The following GGNBP2 variants were observed in gnomAD, a reference collection of about 807,000 sequenced individuals.
GGNBP2 encodes the protein gametogenetin binding protein 2.
GGNBP2 carries 10 observed loss-of-function variants against 85.9 expected under a neutral mutation model. The ratio of observed to expected loss-of-function variants is 0.12; its 90% CI spans 0.07 to 0.20. GGNBP2 has a LOEUF of 0.20. GGNBP2 is among the 10% of genes least tolerant of loss of function. The pLI is 1.00. For missense variants in GGNBP2, 595 were observed against 857.8 expected, an observed-to-expected ratio of 0.69 and a Z score of 3.83; for synonymous variants, 287 against 285.7, an observed-to-expected ratio of 1.00 and a Z score of -0.05.
chr17:36,546,302 G>C (rs2074254736), intron 2 of GGNBP2: 1 of 231,264 alleles, frequency 4.3e-6, no homozygotes, highest in Non-Finnish European at 8.3e-6. Flanking sequence ...CTCGTGCACA[G>C]TCAAGATTCC....
At chr17:36,589,011 A>C (rs2074731829) in intron 13 of GGNBP2, among the ~76,000 whole-genome samples, 197 bp from the exon 14 acceptor site, 1 of 152,148 alleles carries the variant, frequency 6.6e-6, no homozygotes, top group African/African-American at 2.4e-5. Flanking sequence ...GTTTCAACTC[A>C]AGGAGTTGGA....
At chr17:36,566,131 T>G (rs2074466146) in intron 5 of GGNBP2, among the ~76,000 whole-genome samples, 1 of 152,150 alleles carries the variant, frequency 6.6e-6, no homozygotes, top group Admixed American at 6.5e-5. Flanking sequence ...GCGTCCAAGG[T>G]GTAATGAATT....
intron 6 of GGNBP2, chr17:36,577,063 A>T (rs544594004): frequency 3.2e-4 from 48 of 152,324 alleles, no homozygotes; most frequent in African/African-American, 1.1e-3. Context: ...ATACGCATAG[A>T]TGAGCTCATC....
chr17:36,545,849 C>G (rs1476797662), intron 2 of GGNBP2, 32 bp downstream of exon 2: 11 of 1,465,492 alleles, frequency 7.5e-6, no homozygotes, highest in Non-Finnish European at 9.3e-6. Context: ...GGGCCCGCCG[C>G]TCCCCTGGCA....
At chr17:36,578,312 A>G (rs2074611921) in intron 7 of GGNBP2, 126 bp downstream of exon 7, 1 of 706,178 alleles carries the variant, frequency 1.4e-6, no homozygotes, top group Non-Finnish European at 2.3e-6. Context: ...GTATGCCTGT[A>G]AAGATTTTGC....
At position 36,589,233 on chromosome 17, in the gene GGNBP2, A is replaced by C; in HGVS notation, c.1916A>C (p.Glu639Ala). ...LLDESECTSD[E>A]EIFISQDEIQ... ...GATGAGTCTGAATGTACTTCAGATGAGGAAATCTTTATCTCACAAGATGAA... is the reference window on the plus strand; with the variant it reads ...GATGAGTCTGAATGTACTTCAGATGCGGAAATCTTTATCTCACAAGATGAA... The change falls in exon 14 of 14, where the codon GAG (glutamate) becomes GCG (alanine). Residue 639 changes from glutamate to alanine, a missense_variant. Glu to Ala is a moderately radical substitution (Grantham distance 107). Transcript: ENST00000613102. The C allele has an allele frequency of 6.2e-7, 1 of 1,612,728 alleles. No individual in the cohort carries two copies. The highest frequency in any genetic ancestry group is 8.5e-7 in the Non-Finnish European group (1 of 1,178,968).
intron 2 of GGNBP2, among the ~76,000 whole-genome samples, chr17:36,549,101 T>C (rs996387502): frequency 1.3e-5 from 2 of 152,228 alleles, no homozygotes; most frequent in Non-Finnish European, 2.9e-5. Context: ...TGGTGAAATA[T>C]TTAAGAAAGT....
Position 36,589,282 on chromosome 17 carries a change from C to G in GGNBP2, c.1965C>G (p.Asn655Lys). 1 of 1,612,426 alleles carries G rather than the reference C, an allele frequency of 6.2e-7. No individual in the cohort carries two copies. The highest frequency in any genetic ancestry group is 8.5e-7 in the Non-Finnish European group (1 of 1,178,506). ...AAATACAGTCATTTATGGCTAATAA[C>G]CAGTCTTTCTACAGCAATAGAGAAC... ...QDEIQSFMAN[N>K]QSFYSNREQY... is the part of the protein sequence containing the mutation. The change falls in exon 14 of 14, where the codon AAC becomes AAG. Residue 655 changes from asparagine (N) to lysine (K), a missense_variant. Transcript: ENST00000613102.
chr17:36,578,130 T>C lies in GGNBP2; in HGVS notation c.789T>C (p.Cys263=). 1.2e-6 allele frequency: 2 copies of C among 1,614,046 alleles called. No homozygotes were observed. The highest frequency in any genetic ancestry group is 1.7e-6 in the Non-Finnish European group (2 of 1,179,884). Residue 263 remains cysteine (C), a synonymous_variant, in exon 7 of 14, where the codon TGT becomes TGC. Coordinates refer to ENST00000613102, the MANE Select transcript of GGNBP2 (RefSeq NM_024835.5). ...CPHERHIHVC[C]ETDFIAHLLG... is the part of the protein sequence containing the mutation. The stretch of plus-strand genomic sequence containing the variant: ...ATGAACGACACATACATGTTTGCTG[T>C]GAAACAGACTTCATTGCACATCTTT...
At chr17:36,558,548 C>T (rs1428985300) in intron 4 of GGNBP2, among the ~76,000 whole-genome samples, 3 of 151,460 alleles carry the variant, frequency 2.0e-5, no homozygotes, top group Non-Finnish European at 2.9e-5. Flanking sequence ...CACTGCCTCC[C>T]GGGTTCAAGC....
At position 36,585,286 on chromosome 17, in the gene GGNBP2, G is replaced by A; in HGVS notation, c.1216-14G>A. ...GTAAAGCTCTTGACTCTCTCTTAAT[G>A]TTGATCCTTAAAGGAAACAGACTTC... On this transcript the variant is annotated splice_polypyrimidine_tract_variant and intron_variant, in intron 9 of 13. Transcript: ENST00000613102. The A allele has an allele frequency of 6.2e-7, 1 of 1,608,680 alleles. No individual in the cohort carries two copies. The highest frequency in any genetic ancestry group is 8.5e-7 in the Non-Finnish European group (1 of 1,177,794).
intron 9 of GGNBP2, among the ~76,000 whole-genome samples, chr17:36,584,618 A>G (rs956993463): frequency 1.3e-5 from 2 of 152,218 alleles, no homozygotes; most frequent in Admixed American, 6.5e-5. Context: ...GATTACAGGC[A>G]TGAGCCACTG....
At chr17:36,588,436 T>C (rs1242970320) in intron 13 of GGNBP2, among the ~76,000 whole-genome samples, 65 of 152,134 alleles carry the variant, frequency 4.3e-4, no homozygotes, top group Non-Finnish European at 2.2e-4. Context: ...TTTGTATTTT[T>C]AGTAGAGATG....
intron 5 of GGNBP2, among the ~76,000 whole-genome samples, chr17:36,564,796 C>A (rs1440760923): frequency 6.6e-6 from 1 of 150,586 alleles, no homozygotes. Flanking sequence ...TTTGTTTAGT[C>A]TATTTCCAGA....
intron 2 of GGNBP2, among the ~76,000 whole-genome samples, chr17:36,554,507 ACAGG>A (rs1301199201): frequency 6.6e-6 from 1 of 151,500 alleles, no homozygotes; most frequent in Non-Finnish European, 1.5e-5. Context: ...AGCTAGGATT[ACAGG>A]CATGCGCCAC....
At chr17:36,564,164 A>G (rs1360610957) in intron 5 of GGNBP2, among the ~76,000 whole-genome samples, 1 of 152,190 alleles carries the variant, frequency 6.6e-6, no homozygotes, top group South Asian at 2.1e-4. Flanking sequence ...AGTACAGGCT[A>G]ATTTTTCACA....
chr17:36,585,136 C>G (rs571901010), intron 9 of GGNBP2, among the ~76,000 whole-genome samples, 164 bp from the exon 10 acceptor site: 1 of 152,282 alleles, frequency 6.6e-6, no homozygotes, highest in East Asian at 1.9e-4. Flanking sequence ...GTGCTAAGGA[C>G]TAATATCTTT....
At chr17:36,583,655 G>A (rs1285456624) in intron 9 of GGNBP2, among the ~76,000 whole-genome samples, 1 of 151,980 alleles carries the variant, frequency 6.6e-6, no homozygotes, top group African/African-American at 2.4e-5. Flanking sequence ...TAGAGATGGG[G>A]TTTTGCCTTG....
intron 3 of GGNBP2, 69 bp from the exon 4 acceptor site, chr17:36,557,014 C>G (rs1429435431): frequency 9.5e-6 from 15 of 1,572,870 alleles, no homozygotes; most frequent in Non-Finnish European, 1.3e-5. Context: ...GGATAGGAAC[C>G]AGTAGTAGTG....
Sources: gnomAD v4.1 joint callset for allele counts (sites outside exome capture counted in the v4.1 genomes callset) on GRCh38, gnomAD v4.1.1 for gene constraint, MANE v1.5 for transcripts, NCBI Gene and HGNC (gene_info 2026-07-23, HGNC 2026-07-21) for gene names.